Variants in VTCN1 observed in about 807,000 individuals in gnomAD.
VTCN1 encodes V-set domain containing T cell activation inhibitor 1, also known as V-set domain-containing T-cell activation inhibitor 1.
In VTCN1, 26 loss-of-function variants were observed where a neutral mutation model predicts 26.5. That is an observed-to-expected ratio of 0.98 (90% CI 0.72 to 1.36). VTCN1 has a LOEUF of 1.36. Among genes scored for constraint, VTCN1 ranks in the 40% most tolerant of loss-of-function variants. The pLI, the probability that VTCN1 is intolerant of heterozygous loss-of-function variation, is 0.00. For synonymous variants in VTCN1, 116 were observed against 130.7 expected, an observed-to-expected ratio of 0.89 and a Z score of 0.77; for missense variants, 298 against 337.7, an observed-to-expected ratio of 0.88 and a Z score of 0.92.
In VTCN1 at chr1:117,145,695, C is replaced by G. The variant is rs1304110320; in HGVS notation, c.*46-470G>C. On this transcript the variant is annotated intron_variant, in intron 5 of 5. Transcript: ENST00000369458. The surrounding 1 kb of genome is among the most constrained non-coding windows in gnomAD (Gnocchi z 4.6). ...TTGCCCAGGCTGGAGTGCAGTGGTGCAAACATTGGCTCACTGCAGCCTAAA... is the reference window on the plus strand; with the variant it reads ...TTGCCCAGGCTGGAGTGCAGTGGTGGAAACATTGGCTCACTGCAGCCTAAA... Among the ~76,000 whole-genome samples, 1 of 152,156 alleles carries G rather than the reference C, an allele frequency of 6.6e-6. No homozygotes were observed. The highest frequency in any genetic ancestry group is 1.5e-5 in the Non-Finnish European group (1 of 68,026).
At chr1:117,202,238 G>A (rs1428901349) in intron 1 of VTCN1, among the ~76,000 whole-genome samples, 1 of 152,224 alleles carries the variant, frequency 6.6e-6, no homozygotes, top group African/African-American at 2.4e-5. Context: ...GGATGAAAGG[G>A]TTATGTCCTT....
In VTCN1 at chr1:117,175,771, CTCTT is replaced by C. The variant is rs1228901102; in HGVS notation, c.33-5604_33-5601del. Reference sequence around the variant, plus strand: ...GAGATACCTATCTCTCTCTCTCTCTCTCTTTTTTTTTTTTTTTGAGATGGAGTTT... The same window carrying C: ...GAGATACCTATCTCTCTCTCTCTCTCTTTTTTTTTTTTTGAGATGGAGTTT... On this transcript the variant is annotated intron_variant, in intron 1 of 5. Coordinates refer to ENST00000369458, the MANE Select transcript of VTCN1 (RefSeq NM_024626.4). The surrounding 1 kb of genome is among the most constrained non-coding windows in gnomAD (Gnocchi z 4.2). 2.3e-5 allele frequency among the ~76,000 whole-genome samples: 2 copies of C among 87,336 alleles called. No individual in the cohort carries two copies. The allele number at this position is 87,336 out of a possible 152,430, so 57.3% of individuals were successfully genotyped here.
At chr1:117,196,403 T>TATAG (rs1403351955) in intron 1 of VTCN1, among the ~76,000 whole-genome samples, 1 of 145,250 alleles carries the variant, frequency 6.9e-6, no homozygotes, top group South Asian at 2.2e-4. Flanking sequence ...TATATATATA[T>TATAG]AGAGAGAGAG....
intron 1 of VTCN1, among the ~76,000 whole-genome samples, chr1:117,205,625 T>A (rs1011842441): frequency 1.3e-5 from 2 of 152,186 alleles, no homozygotes; most frequent in Non-Finnish European, 2.9e-5. Flanking sequence ...TGACAGTCAC[T>A]GAGGAGGTGT....
In VTCN1 at chr1:117,155,041, T is replaced by TGGTTAGGTATTTTGAGGAGTACC. The variant is rs1651998699; in HGVS notation, c.445+1510_445+1532dup. Among the ~76,000 whole-genome samples, 1 of 152,180 alleles carries TGGTTAGGTATTTTGAGGAGTACC rather than the reference T, an allele frequency of 6.6e-6. No homozygotes were observed. On this transcript the variant is annotated intron_variant, in intron 3 of 5. Transcript: ENST00000369458. The surrounding 1 kb of genome is among the most constrained non-coding windows in gnomAD (Gnocchi z 4.8). ...TGACGTTGACAGTTTTGAGGAGTAC[T>TGGTTAGGTATTTTGAGGAGTACC]GGTTAGGTATTTTGAGGAGTACCGG...
rs190672728 is a variant in VTCN1 at position 117,171,402 on chromosome 1, G to T, written c.33-1231C>A. On this transcript the variant is annotated intron_variant, in intron 1 of 5. Transcript: ENST00000369458. ...GATTGCTGGGTCAAATGGTACTTCT[G>T]GTTCTAGATCCTTAAGGAATCACCA... is the stretch of plus-strand genomic sequence containing the variant. 9.9e-5 allele frequency among the ~76,000 whole-genome samples: 15 copies of T among 152,212 alleles called. 1 individual carries two copies. The East Asian group carries it at 2.9e-3, about 29-fold the overall frequency.
intron 3 of VTCN1, among the ~76,000 whole-genome samples, chr1:117,154,024 G>A (rs1469765481): frequency 6.6e-6 from 1 of 152,194 alleles, no homozygotes; most frequent in African/African-American, 2.4e-5. Context: ...ACAGTTGTGG[G>A]AAAATGTTTA....
intron 1 of VTCN1, among the ~76,000 whole-genome samples, chr1:117,170,886 C>A (rs138808925): frequency 6.6e-6 from 1 of 152,016 alleles, no homozygotes; most frequent in African/African-American, 2.4e-5. Context: ...ATGTGCAGAA[C>A]GTGCAGGTTC....
At chr1:117,184,626 G>T (rs993090246) in intron 1 of VTCN1, among the ~76,000 whole-genome samples, 1 of 152,168 alleles carries the variant, frequency 6.6e-6, no homozygotes, top group Non-Finnish European at 1.5e-5. Context: ...CTTCAGGGAA[G>T]AATATTTAAA....
intron 1 of VTCN1, among the ~76,000 whole-genome samples, chr1:117,190,984 A>C (rs1054711896): frequency 2.6e-5 from 4 of 152,236 alleles, no homozygotes; most frequent in African/African-American, 7.2e-5. Flanking sequence ...AAGAAGCTCA[A>C]TGAGATGCAC....
Position 117,205,178 on chromosome 1 carries a change from G to GAGA in VTCN1, c.32+5645_32+5646insTCT, listed in dbSNP as rs1648993722. Among the ~76,000 whole-genome samples the GAGA allele has an allele frequency of 6.5e-5, 8 of 123,084 alleles. No homozygotes were observed. In the East Asian group the frequency reaches 1.6e-3, roughly 25 times the overall value. The allele number at this position is 123,084 out of a possible 152,430, so 80.7% of individuals were successfully genotyped here. On this transcript the variant is annotated intron_variant, in intron 1 of 5. Transcript: ENST00000369458. ...TATATAGAGAGAGAGAGAGAGAGAG[G>GAGA]GGGGTCTCGCTCTATTACCCAGGCT...
At chr1:117,201,901 T>C (rs1315665438) in intron 1 of VTCN1, among the ~76,000 whole-genome samples, 1 of 152,216 alleles carries the variant, frequency 6.6e-6, no homozygotes, top group Non-Finnish European at 1.5e-5. Flanking sequence ...GAAGGCAGTT[T>C]CCTTGGATGA....
At chr1:117,191,925 C>T (rs1048814592) in intron 1 of VTCN1, among the ~76,000 whole-genome samples, 3 of 151,972 alleles carry the variant, frequency 2.0e-5, no homozygotes, top group Non-Finnish European at 4.4e-5. Flanking sequence ...CACTGAACTC[C>T]TGTTCTCCAG....
At chr1:117,158,214 A>C (rs12084619) in intron 2 of VTCN1, among the ~76,000 whole-genome samples, 6,692 of 152,100 alleles carry the variant, frequency 0.044, 380 homozygotes, top group African/African-American at 0.13. Context: ...CACCAGGGGG[A>C]CTTTGTGTTG....
chr1:117,177,547 C>G (rs533944077), intron 1 of VTCN1, among the ~76,000 whole-genome samples: 1 of 152,258 alleles, frequency 6.6e-6, no homozygotes, highest in East Asian at 1.9e-4. Context: ...TTCTGGGCAG[C>G]CCCTGCTCCA....
At chr1:117,172,812 TAA>T (rs1310751301) in intron 1 of VTCN1, among the ~76,000 whole-genome samples, 1 of 33,162 alleles carries the variant, frequency 3.0e-5, no homozygotes, top group African/African-American at 5.9e-5. Context: ...CAGCACTCTG[TAA>T]AAATGCACCA....
rs1198177754 is a variant in VTCN1, at chr1:117,167,781, C to T, written c.97+2326G>A. Among the ~76,000 whole-genome samples, 1 of 151,704 alleles carries T rather than the reference C, an allele frequency of 6.6e-6. No homozygotes were observed. The highest frequency in any genetic ancestry group is 2.4e-5 in the African/African-American group (1 of 41,268). On this transcript the variant is annotated intron_variant, in intron 2 of 5. Transcript: ENST00000369458. The surrounding 1 kb of genome is among the most constrained non-coding windows in gnomAD (Gnocchi z 4.1). ...CAGTAGAAAAAGAATTGAAAGATGGCCAAGTAAAGCAGGAAGAGGAATATT... is the reference window on the plus strand; with the variant it reads ...CAGTAGAAAAAGAATTGAAAGATGGTCAAGTAAAGCAGGAAGAGGAATATT...
intron 4 of VTCN1, among the ~76,000 whole-genome samples, chr1:117,152,362 G>T (rs767445134): frequency 6.6e-6 from 1 of 152,116 alleles, no homozygotes; most frequent in Non-Finnish European, 1.5e-5. Flanking sequence ...GCCTCCTGAC[G>T]TACTCCTTTC....
chr1:117,170,992 TC>T (rs1366755067), intron 1 of VTCN1, among the ~76,000 whole-genome samples: 2 of 151,906 alleles, frequency 1.3e-5, no homozygotes, highest in East Asian at 3.9e-4. Flanking sequence ...CCTAATGCCC[TC>T]CCTCCCCTTG....
Sources: gnomAD v4.1 joint callset for allele counts (sites outside exome capture counted in the v4.1 genomes callset) on GRCh38, gnomAD v4.1.1 for gene constraint, Gnocchi (gnomAD v3.1) non-coding constraint, MANE v1.5 for transcripts, NCBI Gene and HGNC (gene_info 2026-07-23, HGNC 2026-07-21) for gene names.